The following NR5A2 variants were observed in gnomAD, a reference collection of about 807,000 sequenced individuals.
NR5A2 encodes the protein nuclear receptor subfamily 5 group A member 2, also known as CYP7A promoter-binding factor.
In NR5A2, 26 loss-of-function variants were observed where a neutral mutation model predicts 62.7. The ratio of observed to expected loss-of-function variants is 0.41; its 90% CI spans 0.30 to 0.58. The LOEUF (loss-of-function observed/expected upper bound fraction) is 0.58. NR5A2 is among the 20% of genes least tolerant of loss of function. NR5A2 has a pLI of 0.22. For synonymous variants in NR5A2, 246 were observed against 241.7 expected (o/e 1.02, Z -0.16); for missense variants, 541 against 669.1 (o/e 0.81, Z 2.11).
chr1:200,098,002 T>G (rs763546463), intron 5 of NR5A2, among the ~76,000 whole-genome samples: 1 of 152,326 alleles, frequency 6.6e-6, no homozygotes, highest in East Asian at 1.9e-4. Flanking sequence ...TTCCCCTGTT[T>G]AACTGGCCAG....
intron 7 of NR5A2, among the ~76,000 whole-genome samples, chr1:200,149,864 C>G (rs1652978177): frequency 6.6e-6 from 1 of 152,090 alleles, no homozygotes; most frequent in Non-Finnish European, 1.5e-5. Flanking sequence ...TACTATTCAT[C>G]ATTTAGGGTC....
At chr1:200,133,604 CATAT>C (rs71132670) in intron 7 of NR5A2, among the ~76,000 whole-genome samples, 2 of 91,528 alleles carry the variant, frequency 2.2e-5, no homozygotes, top group African/African-American at 9.2e-5. Context: ...TATATATACA[CATAT>C]ATACACACAC....
At chr1:200,092,683 G>T (rs528672951) in intron 5 of NR5A2, among the ~76,000 whole-genome samples, 1 of 148,876 alleles carries the variant, frequency 6.7e-6, no homozygotes, top group East Asian at 2.0e-4. Flanking sequence ...AGGCTCTTGT[G>T]CTGGTATATC....
chr1:200,136,878 T>G (rs1667245971), intron 7 of NR5A2, among the ~76,000 whole-genome samples: 1 of 152,226 alleles, frequency 6.6e-6, no homozygotes, highest in African/African-American at 2.4e-5. Context: ...TCAAGAAGTA[T>G]CACAGCTTTT....
chr1:200,140,479 TCTC>T (rs1170485121), intron 7 of NR5A2, among the ~76,000 whole-genome samples: 2 of 152,336 alleles, frequency 1.3e-5, no homozygotes, highest in Admixed American at 6.5e-5. Context: ...TTTTTCCCAT[TCTC>T]CTTGTTTTCT....
chr1:200,040,142 TTC>T (rs1342313322), intron 2 of NR5A2, among the ~76,000 whole-genome samples: 5 of 152,132 alleles, frequency 3.3e-5, no homozygotes, highest in Admixed American at 6.5e-5. Flanking sequence ...CCCGAACAGG[TTC>T]TCTGTCATTG....
At chr1:200,064,773 A>G (rs1436848750) in intron 5 of NR5A2, among the ~76,000 whole-genome samples, 2 of 152,182 alleles carry the variant, frequency 1.3e-5, no homozygotes, top group African/African-American at 2.4e-5. Flanking sequence ...TTAATTTACT[A>G]TCTAAACTTG....
At chr1:200,038,041 G>A (rs934017172) in intron 1 of NR5A2, among the ~76,000 whole-genome samples, 1 of 152,214 alleles carries the variant, frequency 6.6e-6, no homozygotes. Context: ...TCGTTGCACA[G>A]CAGATTCTAA....
Position 200,059,430 on chromosome 1 carries a change from G to A in NR5A2, c.1110+10612G>A, listed in dbSNP as rs16845840. Among the ~76,000 whole-genome samples, 582 of 152,282 alleles carry A rather than the reference G, an allele frequency of 3.8e-3. 5 individuals are homozygous for A. Among genetic ancestry groups the A allele is most frequent in the African/African-American group, 0.013 (556 of 41,564 alleles). On this transcript the variant is annotated intron_variant, in intron 5 of 7. Transcript: ENST00000367362. ...CTTGTCTGCCTAGAAGTAGCCACAT[G>A]CTTGTTTGCTGAGAATAATTAGGGT...
intron 5 of NR5A2, among the ~76,000 whole-genome samples, chr1:200,061,804 T>C (rs1663233139): frequency 1.3e-5 from 2 of 152,238 alleles, no homozygotes; most frequent in African/African-American, 2.4e-5. Context: ...GGTTTAGTAG[T>C]GTTCGTTATT....
chr1:200,049,947 T>C (rs1662548767), intron 5 of NR5A2, among the ~76,000 whole-genome samples: 1 of 152,254 alleles, frequency 6.6e-6, no homozygotes, highest in Non-Finnish European at 1.5e-5. Flanking sequence ...TCTTTGTACA[T>C]GGAAGCAAAA....
Position 200,176,205 on chromosome 1 carries a change from C to T in NR5A2, c.*1995C>T, listed in dbSNP as rs1368048861. On this transcript the variant is annotated 3_prime_UTR_variant, in exon 8 of 8. Coordinates refer to ENST00000367362, the MANE Select transcript of NR5A2 (RefSeq NM_205860.3). Reference sequence around the variant, plus strand: ...TCCTCTGGTTTTCAAGTAAACTCAACAAGGTGGAGTCTTACCTGGTTTTCC... The same window carrying T: ...TCCTCTGGTTTTCAAGTAAACTCAATAAGGTGGAGTCTTACCTGGTTTTCC... 2.0e-5 allele frequency: 3 copies of T among 152,586 alleles called. No homozygotes were observed. Among genetic ancestry groups the T allele is most frequent in the African/African-American group, 4.8e-5 (2 of 41,428 alleles). The allele number at this position is 152,586 out of a possible 1,614,324, so 9.5% of individuals were successfully genotyped here.
intron 7 of NR5A2, among the ~76,000 whole-genome samples, chr1:200,131,843 T>C (rs1375224305): frequency 2.0e-5 from 3 of 152,198 alleles, no homozygotes; most frequent in Non-Finnish European, 4.4e-5. Context: ...GAGTTGTGGC[T>C]GTGTTTGGTT....
chr1:200,032,174 C>T (rs943476505), intron 1 of NR5A2, among the ~76,000 whole-genome samples: 3 of 152,126 alleles, frequency 2.0e-5, no homozygotes, highest in South Asian at 2.1e-4. Flanking sequence ...CACTTCCTCA[C>T]GCTTCACCTT....
intron 2 of NR5A2, among the ~76,000 whole-genome samples, chr1:200,042,452 C>G (rs751922519): frequency 2.0e-5 from 3 of 152,212 alleles, no homozygotes; most frequent in Non-Finnish European, 2.9e-5. Flanking sequence ...AGGACTTTGG[C>G]GATGGGGTGG....
intron 6 of NR5A2, among the ~76,000 whole-genome samples, chr1:200,112,450 C>G (rs954241236): frequency 6.6e-6 from 1 of 152,150 alleles, no homozygotes; most frequent in South Asian, 2.1e-4. Context: ...CTTCAGTACT[C>G]GGCACCATGA....
At chr1:200,053,563 G>GCACTCGCGCA (rs1662758251) in intron 5 of NR5A2, among the ~76,000 whole-genome samples, 1 of 70,314 alleles carries the variant, frequency 1.4e-5, no homozygotes, top group Non-Finnish European at 2.6e-5. Flanking sequence ...CCCCCAGCAT[G>GCACTCGCGCA]CACACGCACA....
At chr1:200,087,867 T>C (rs1664628326) in intron 5 of NR5A2, among the ~76,000 whole-genome samples, 1 of 151,860 alleles carries the variant, frequency 6.6e-6, no homozygotes. Flanking sequence ...TTCTCCCACC[T>C]CAGCCTCCTG....
At chr1:200,168,779 C>T (rs1325072397) in intron 7 of NR5A2, among the ~76,000 whole-genome samples, 4 of 152,136 alleles carry the variant, frequency 2.6e-5, no homozygotes, top group African/African-American at 7.2e-5. Context: ...ATGAAAAGAA[C>T]GAACATGTTC....
Sources: gnomAD v4.1 joint callset for allele counts (sites outside exome capture counted in the v4.1 genomes callset) on GRCh38, gnomAD v4.1.1 for gene constraint, MANE v1.5 for transcripts, NCBI Gene and HGNC (gene_info 2026-07-23, HGNC 2026-07-21) for gene names.